The following LTN1 variants were observed in gnomAD, a reference collection of about 807,000 sequenced individuals.
LTN1 encodes E3 ubiquitin-protein ligase listerin.
In LTN1, 88 loss-of-function variants were observed where a neutral mutation model predicts 201.2. The ratio of observed to expected loss-of-function variants is 0.44; its 90% CI spans 0.37 to 0.52. The LOEUF (loss-of-function observed/expected upper bound fraction) is 0.52. Ranked by LOEUF, LTN1 falls within the 20% of genes least tolerant of loss-of-function variation. The pLI is 0.00. For synonymous variants in LTN1, 645 were observed against 713.5 expected, an observed-to-expected ratio of 0.90 and a Z score of 1.53; for missense variants, 1,752 against 2,038.7, an observed-to-expected ratio of 0.86 and a Z score of 2.71.
chr21:28,985,747 C>T (rs971355305), intron 3 of LTN1, among the ~76,000 whole-genome samples: 2 of 151,800 alleles, frequency 1.3e-5, no homozygotes, highest in African/African-American at 4.8e-5. Flanking sequence ...GCAACCTCCG[C>T]CCCACCGGGT....
intron 8 of LTN1, among the ~76,000 whole-genome samples, chr21:28,970,211 C>T (rs909277122): frequency 1.3e-5 from 2 of 152,226 alleles, no homozygotes; most frequent in Admixed American, 6.5e-5. Context: ...TGCATTTAGG[C>T]ATTTGTATTT....
rs1041447351 is a variant in LTN1 at position 28,930,290 on chromosome 21, T to A, written c.*158A>T. Reference sequence around the variant, plus strand: ...AAAGCAATCTAAAGTTAAGTAAACCTGATTTTAGGATTATTACATTAACCA... The same window carrying A: ...AAAGCAATCTAAAGTTAAGTAAACCAGATTTTAGGATTATTACATTAACCA... On this transcript the variant is annotated 3_prime_UTR_variant, in exon 30 of 30. Transcript: ENST00000361371. 2.2e-6 allele frequency: 1 copy of A among 459,364 alleles called. No individual in the cohort carries two copies. The highest frequency in any genetic ancestry group is 4.2e-5 in the Admixed American group (1 of 23,874). The allele number at this position is 459,364 out of a possible 1,614,324, so 28.5% of individuals were successfully genotyped here. A position where few individuals can be genotyped will look rare whatever the true frequency, so the allele number is the denominator to read the frequency against.
Position 28,981,303 on chromosome 21 carries a change from G to C in LTN1, c.630-4C>G. 1 of 1,440,624 alleles carries C rather than the reference G, an allele frequency of 6.9e-7. No homozygotes were observed. 89.2% of individuals were successfully genotyped at this position (1,440,624 alleles called of 1,614,324 possible). A position where few individuals can be genotyped will look rare whatever the true frequency, so the allele number is the denominator to read the frequency against. Reference sequence around the variant, plus strand: ...TCTTTCTTCCTCTGGAACAGTTCTTGATATAAAACAAAATAAATATATTTA... The same window carrying C: ...TCTTTCTTCCTCTGGAACAGTTCTTCATATAAAACAAAATAAATATATTTA... On this transcript the variant is annotated splice_region_variant and splice_polypyrimidine_tract_variant and intron_variant, in intron 5 of 29. Coordinates refer to ENST00000361371, the MANE Select transcript of LTN1 (RefSeq NM_015565.3).
chr21:28,954,952 C>T (rs2084412546), intron 16 of LTN1, among the ~76,000 whole-genome samples: 1 of 152,126 alleles, frequency 6.6e-6, no homozygotes, highest in African/African-American at 2.4e-5. Context: ...AAACTAAAAG[C>T]TTTCTGCACA....
Position 28,952,278 on chromosome 21 carries a change from G to GA in LTN1, c.3240-15dup, listed in dbSNP as rs772057074. 25 of 1,460,070 alleles carry GA rather than the reference G, an allele frequency of 1.7e-5. No individual in the cohort carries two copies. The highest frequency in any genetic ancestry group is 3.5e-4 in the Middle Eastern group (2 of 5,690). 90.4% of individuals were successfully genotyped at this position (1,460,070 alleles called of 1,614,324 possible). A position where few individuals can be genotyped will look rare whatever the true frequency, so the allele number is the denominator to read the frequency against. ...TGTTCTCTGGACCTGAAAAAGGAAA[G>GA]AAAAAAATTATATTCCGTTTTGAAA... On this transcript the variant is annotated splice_polypyrimidine_tract_variant and intron_variant, in intron 17 of 29. Coordinates refer to ENST00000361371, the MANE Select transcript of LTN1 (RefSeq NM_015565.3).
intron 16 of LTN1, among the ~76,000 whole-genome samples, chr21:28,955,743 T>C (rs1307219596): frequency 2.0e-5 from 3 of 151,628 alleles, no homozygotes; most frequent in Non-Finnish European, 2.9e-5. Context: ...GCCAACATAG[T>C]GAAACCCCGT....
At chr21:28,981,440 G>A (rs1008097797) in intron 5 of LTN1, 141 bp from the exon 6 acceptor site, 4 of 447,830 alleles carry the variant, frequency 8.9e-6, no homozygotes, top group East Asian at 3.6e-5. Context: ...CTGTGCCAAC[G>A]CCCCTCAAAA....
intron 26 of LTN1, among the ~76,000 whole-genome samples, chr21:28,935,562 C>T (rs1169712796): frequency 2.0e-5 from 3 of 152,014 alleles, no homozygotes; most frequent in Non-Finnish European, 2.9e-5. Context: ...AAAATCCCGC[C>T]GGGCGCAGTG....
chr21:28,937,310 T>C (rs1038494071), intron 25 of LTN1, among the ~76,000 whole-genome samples: 6 of 152,226 alleles, frequency 3.9e-5, no homozygotes, highest in Non-Finnish European at 7.3e-5. Flanking sequence ...GGTATCTGTA[T>C]TGGTTTTAAG....
chr21:28,962,833 C>T (rs1003132781), intron 11 of LTN1, among the ~76,000 whole-genome samples: 4 of 152,194 alleles, frequency 2.6e-5, no homozygotes, highest in African/African-American at 7.2e-5. Flanking sequence ...ATTAAAAGTG[C>T]CACTCCTGTG....
intron 26 of LTN1, among the ~76,000 whole-genome samples, chr21:28,935,709 G>A (rs181677853): frequency 5.7e-4 from 87 of 152,074 alleles, no homozygotes; most frequent in African/African-American, 1.8e-3. Flanking sequence ...GCGTGGTGAT[G>A]GGTGCCTGTA....
At chr21:28,980,087 G>A (rs78667014) in intron 6 of LTN1, among the ~76,000 whole-genome samples, 2,478 of 152,166 alleles carry the variant, frequency 0.016, 75 homozygotes, top group African/African-American at 0.056. Flanking sequence ...ACAAGGCGAC[G>A]TTCCCTTATT....
At position 28,957,374 on chromosome 21, in the gene LTN1, G is replaced by A. The variant is rs745595234; in HGVS notation, c.2850C>T (p.Asn950=). The change falls in exon 15 of 30, where the codon AAC becomes AAT. Residue 950 remains asparagine (N), a synonymous_variant. Transcript: ENST00000361371. The part of the protein sequence containing the change: ...MGVYIGSVMP[N]DSEWEKMRQS... ...GCCTCATCTTTTCCCATTCACTGTC[G>A]TTCGGCATTACACTTCCAATATAAA... The A allele has an allele frequency of 9.0e-5, 144 of 1,604,932 alleles. No individual in the cohort carries two copies. Among genetic ancestry groups the A allele is most frequent in the African/African-American group, 2.0e-4 (15 of 74,284 alleles).
Position 28,984,750 on chromosome 21 carries a change from G to T in LTN1, c.518C>A (p.Ala173Asp). 1 of 1,614,112 alleles carries T rather than the reference G, an allele frequency of 6.2e-7. No homozygotes were observed. The highest frequency in any genetic ancestry group is 8.5e-7 in the Non-Finnish European group (1 of 1,180,012). Residue 173 changes from alanine to aspartate, a missense_variant, in exon 4 of 30, where the codon GCT becomes GAT. By Grantham distance (126) the Ala-to-Asp change is moderately radical (BLOSUM62 -2). Around this residue, in one of 3 missense-constraint regions of LTN1, gnomAD observed 280 missense variants for 375.7 expected, o/e 0.75. Transcript: ENST00000361371. ...AFAAKDAFEA[A>D]FPPSKQPEAI... Reference sequence around the variant, plus strand: ...TTCAGGTTGCTTGCTTGGAGGAAAAGCCGCTTCAAATGCATCTTTTGCTGC... The same window carrying T: ...TTCAGGTTGCTTGCTTGGAGGAAAATCCGCTTCAAATGCATCTTTTGCTGC...
At position 28,929,099 on chromosome 21, in the gene LTN1, G is replaced by A. The variant is rs1305000874; in HGVS notation, c.*1349C>T. On this transcript the variant is annotated 3_prime_UTR_variant, in exon 30 of 30. Transcript: ENST00000361371. ...GACACTGCATCTATAAATATAATTC[G>A]AGAGATCTATAACTCACACATAGTA... The A allele has an allele frequency of 6.6e-6, 1 of 152,392 alleles. No individual in the cohort carries two copies. Among genetic ancestry groups the A allele is most frequent in the African/African-American group, 2.4e-5 (1 of 41,390 alleles). The allele number at this position is 152,392 out of a possible 1,614,324, so 9.4% of individuals were successfully genotyped here. A position where few individuals can be genotyped will look rare whatever the true frequency, so the allele number is the denominator to read the frequency against.
chr21:28,946,721 A>T (rs2084340989), intron 19 of LTN1, among the ~76,000 whole-genome samples: 1 of 152,208 alleles, frequency 6.6e-6, no homozygotes, highest in South Asian at 2.1e-4. Flanking sequence ...TACATGTGGT[A>T]AACTCTGATG....
At chr21:28,958,686 T>C in intron 13 of LTN1, 147 bp from the exon 14 acceptor site, 1 of 562,624 alleles carries the variant, frequency 1.8e-6, no homozygotes, top group Non-Finnish European at 3.1e-6. Context: ...AAAATTCAAT[T>C]GCCAAACAAA....
chr21:28,958,442 A>G lies in LTN1; in HGVS notation c.2691T>C (p.His897=), dbSNP rs993791741. 1.4e-5 allele frequency: 23 copies of G among 1,612,326 alleles called. No homozygotes were observed. The highest frequency in any genetic ancestry group is 2.0e-5 in the Non-Finnish European group (23 of 1,179,312). Residue 897 remains histidine (H), a synonymous_variant, in exon 14 of 30, where the codon CAT becomes CAC. Transcript: ENST00000361371. The part of the protein sequence containing the change: ...DSSYKESTFL[H]LSALWLKNQV... ...GGTTCTTCAGCCACAGAGCAGACAA[A>G]TGTAGGAAGGTACTCTCTTTATATG...
At chr21:28,955,624 G>A (rs908054806) in intron 16 of LTN1, among the ~76,000 whole-genome samples, 1 of 151,688 alleles carries the variant, frequency 6.6e-6, no homozygotes, top group African/African-American at 2.4e-5. Context: ...ATACTATTCA[G>A]CCATTAAAAA....
Sources: gnomAD v4.1 joint callset for allele counts (sites outside exome capture counted in the v4.1 genomes callset) on GRCh38, gnomAD v4.1.1 for gene constraint, gnomAD v4.1.1 regional missense constraint, MANE v1.5 for transcripts, NCBI Gene and HGNC (gene_info 2026-07-23, HGNC 2026-07-21) for gene names.